The following NCOA1 variants were observed in gnomAD, a reference collection of about 807,000 sequenced individuals.
NCOA1 encodes the protein Hin-2 protein.
Under a neutral mutation model 150.9 loss-of-function variants are expected in NCOA1, and 35 were observed. That is an observed-to-expected ratio of 0.23 (90% CI 0.18 to 0.31). The LOEUF (loss-of-function observed/expected upper bound fraction) is 0.31. NCOA1 is among the 10% of genes least tolerant of loss of function. The pLI, the probability that NCOA1 is intolerant of heterozygous loss-of-function variation, is 1.00. For missense variants in NCOA1, 1,491 were observed against 1,749.3 expected, an observed-to-expected ratio of 0.85 and a Z score of 2.63; for synonymous variants, 590 against 630.0, an observed-to-expected ratio of 0.94 and a Z score of 0.95.
intron 14 of NCOA1, among the ~76,000 whole-genome samples, chr2:24,720,032 C>G (rs1646577290): frequency 1.3e-5 from 2 of 152,130 alleles, no homozygotes; most frequent in African/African-American, 2.4e-5. Flanking sequence ...TTATAAAAAA[C>G]TATGATCTCT....
At chr2:24,717,608 A>T (rs1447704400) in intron 14 of NCOA1, among the ~76,000 whole-genome samples, 2 of 151,702 alleles carry the variant, frequency 1.3e-5, no homozygotes, top group Non-Finnish European at 2.9e-5. Flanking sequence ...ACATATACAC[A>T]TATATATATA....
At chr2:24,702,605 AAAAT>A (rs925243725) in intron 11 of NCOA1, among the ~76,000 whole-genome samples, 4 of 152,182 alleles carry the variant, frequency 2.6e-5, no homozygotes, top group African/African-American at 9.7e-5. Flanking sequence ...AAATAAATAA[AAAAT>A]AAATAAATAA....
At chr2:24,638,767 A>G (rs1017338553) in intron 3 of NCOA1, among the ~76,000 whole-genome samples, 7 of 151,984 alleles carry the variant, frequency 4.6e-5, no homozygotes, top group Non-Finnish European at 8.8e-5. Context: ...ATGTTTCCAT[A>G]TATTTGTATG....
At chr2:24,552,099 C>G (rs1036955359) in intron 1 of NCOA1, among the ~76,000 whole-genome samples, 3 of 151,628 alleles carry the variant, frequency 2.0e-5, no homozygotes, top group Admixed American at 6.6e-5. Context: ...CAACTTTGTT[C>G]TTCTTTTTGA....
intron 3 of NCOA1, among the ~76,000 whole-genome samples, chr2:24,613,885 T>A (rs1212515184): frequency 1.3e-5 from 2 of 152,208 alleles, no homozygotes; most frequent in Non-Finnish European, 2.9e-5. Flanking sequence ...CCCCGACTTT[T>A]GAGTTTTAGG....
chr2:24,629,795 ACT>A (rs1281650304), intron 3 of NCOA1, among the ~76,000 whole-genome samples: 4 of 136,418 alleles, frequency 2.9e-5, no homozygotes, highest in Admixed American at 1.6e-4. Context: ...TGTGCCAGAC[ACT>A]GTTTTAAGTA....
At chr2:24,763,109 C>T (rs1387990130) in intron 22 of NCOA1, among the ~76,000 whole-genome samples, 4 of 152,170 alleles carry the variant, frequency 2.6e-5, no homozygotes, top group African/African-American at 4.8e-5. Context: ...GCTAAAAACT[C>T]ATCTGTAATC....
chr2:24,616,675 A>G (rs1191820607), intron 3 of NCOA1, among the ~76,000 whole-genome samples: 1 of 152,172 alleles, frequency 6.6e-6, no homozygotes, highest in Non-Finnish European at 1.5e-5. Context: ...TCCTACTTGC[A>G]TATCTGTATG....
At chr2:24,691,975 C>A (rs1404608877) in intron 9 of NCOA1, among the ~76,000 whole-genome samples, 1 of 152,168 alleles carries the variant, frequency 6.6e-6, no homozygotes, top group African/African-American at 2.4e-5. Flanking sequence ...GGAAATGTAC[C>A]AGATGCAGCA....
chr2:24,742,181 G>A lies in NCOA1; in HGVS notation c.3701G>A (p.Gly1234Glu). Residue 1234 changes from glycine to glutamate, a missense_variant, in exon 19 of 23, where the codon GGA becomes GAA. Gly to Glu is a moderately conservative substitution (Grantham distance 98). Coordinates refer to ENST00000348332, the MANE Select transcript of NCOA1 (RefSeq NM_003743.5). ...CAGCAGAATGTCTTCCAGTATCCAGGAGCAGGTAGGAAGGTCACAACTTTA... is the reference window on the plus strand; with the variant it reads ...CAGCAGAATGTCTTCCAGTATCCAGAAGCAGGTAGGAAGGTCACAACTTTA... ...QMQQNVFQYPGAGMVPQGEAN... is the reference protein window; with the variant it reads ...QMQQNVFQYPEAGMVPQGEAN... 1.2e-6 allele frequency: 2 copies of A among 1,608,712 alleles called. No individual in the cohort carries two copies. Among genetic ancestry groups the A allele is most frequent in the Non-Finnish European group, 8.5e-7 (1 of 1,177,086 alleles).
intron 11 of NCOA1, among the ~76,000 whole-genome samples, chr2:24,699,162 G>A (rs2148577142): frequency 6.6e-6 from 1 of 152,306 alleles, no homozygotes; most frequent in African/African-American, 2.4e-5. Flanking sequence ...CTTTTGCATA[G>A]GTTTGGGACT....
chr2:24,718,959 G>A (rs1674209353), intron 14 of NCOA1, among the ~76,000 whole-genome samples: 1 of 146,498 alleles, frequency 6.8e-6, no homozygotes, highest in African/African-American at 2.5e-5. Flanking sequence ...AACCTGGGAG[G>A]TGGAGGTTGC....
chr2:24,611,454 A>G lies in NCOA1; in HGVS notation c.-175+26894A>G, dbSNP rs75408108. Among the ~76,000 whole-genome samples the G allele has an allele frequency of 5.1e-3, 771 of 152,274 alleles. 6 individuals are homozygous for G. The highest frequency in any genetic ancestry group is 0.018 in the African/African-American group (742 of 41,576). ...CATAACAATTTATATTCTTTTGGAT[A>G]TGTACCTAGTATTGAGTTTGCTGGG... On this transcript the variant is annotated intron_variant, in intron 3 of 22. Coordinates refer to ENST00000348332, the MANE Select transcript of NCOA1 (RefSeq NM_003743.5).
At chr2:24,668,978 A>G (rs1207082491) in intron 6 of NCOA1, among the ~76,000 whole-genome samples, 1 of 152,228 alleles carries the variant, frequency 6.6e-6, no homozygotes, top group Non-Finnish European at 1.5e-5. Flanking sequence ...AAGTATATTT[A>G]TATGACCCTA....
intron 7 of NCOA1, among the ~76,000 whole-genome samples, chr2:24,679,212 C>T (rs1672053667): frequency 6.6e-6 from 1 of 152,200 alleles, no homozygotes; most frequent in South Asian, 2.1e-4. Context: ...CATTTGTTGT[C>T]TTCTCTGTAT....
chr2:24,534,502 T>C (rs142707826), intron 1 of NCOA1, among the ~76,000 whole-genome samples: 8,498 of 152,132 alleles, frequency 0.056, 317 homozygotes, highest in Non-Finnish European at 0.08. Flanking sequence ...CTTTTGAATT[T>C]GTTTGCTCTT....
intron 3 of NCOA1, among the ~76,000 whole-genome samples, chr2:24,626,264 G>A (rs1669405106): frequency 6.6e-6 from 1 of 152,222 alleles, no homozygotes; most frequent in Non-Finnish European, 1.5e-5. Context: ...GTTGAGTGGT[G>A]ACTAGGGGTG....
intron 1 of NCOA1, among the ~76,000 whole-genome samples, chr2:24,539,390 G>C (rs189117390): frequency 6.6e-6 from 1 of 152,196 alleles, no homozygotes; most frequent in Admixed American, 6.5e-5. Context: ...AGCATGTTGT[G>C]TATGGCCTCC....
At chr2:24,673,174 T>C (rs1194744200) in intron 6 of NCOA1, among the ~76,000 whole-genome samples, 192 bp from the exon 7 acceptor site, 1 of 152,224 alleles carries the variant, frequency 6.6e-6, no homozygotes, top group East Asian at 1.9e-4. Context: ...TTCAGGCACA[T>C]TACTTAACCT....
Sources: allele counts gnomAD v4.1 joint callset (sites outside exome capture counted in the v4.1 genomes callset), GRCh38; gene constraint gnomAD v4.1.1; transcripts MANE v1.5; gene names NCBI Gene and HGNC (gene_info 2026-07-23, HGNC 2026-07-21).